The following PGAM1 variants were observed in gnomAD, a reference collection of about 807,000 sequenced individuals.
PGAM1 encodes phosphoglycerate mutase 1, also known as BPG-dependent PGAM 1.
A neutral mutation model predicts 23.5 loss-of-function variants in PGAM1; 21 were observed. The observed-to-expected ratio is 0.89, with a 90% confidence interval of 0.63 to 1.29. PGAM1 has a LOEUF of 1.29. Among genes scored for constraint, PGAM1 ranks in the 50% most tolerant of loss-of-function variants. PGAM1 has a pLI of 0.00. For synonymous variants in PGAM1, 109 were observed against 128.6 expected (o/e 0.85, Z 1.03); for missense variants, 232 against 336.3 (o/e 0.69, Z 2.42).
At chr10:97,430,900 CT>C in intron 2 of PGAM1, 54 bp from the exon 3 acceptor site, 1 of 1,604,052 alleles carries the variant, frequency 6.2e-7, no homozygotes, top group South Asian at 1.1e-5. Context: ...ATCATGAAGT[CT>C]TTTAACAGAT....
chr10:97,427,553 C>G (rs761930226), intron 1 of PGAM1: 54 of 1,146,590 alleles, frequency 4.7e-5, no homozygotes, highest in Non-Finnish European at 5.9e-5. Context: ...CGCCCTAGTC[C>G]TGGGTGAAGT....
intron 3 of PGAM1, among the ~76,000 whole-genome samples, 198 bp downstream of exon 3, chr10:97,431,333 C>T (rs950537620): frequency 6.6e-6 from 1 of 152,154 alleles, no homozygotes; most frequent in Non-Finnish European, 1.5e-5. Context: ...GACAGCTGGA[C>T]CCCCTGGGAG....
intron 1 of PGAM1, among the ~76,000 whole-genome samples, chr10:97,429,583 G>T (rs1845446749): frequency 6.6e-6 from 1 of 152,130 alleles, no homozygotes; most frequent in South Asian, 2.1e-4. Flanking sequence ...GAGGGTACTT[G>T]GTATTAGGCT....
At chr10:97,430,794 T>C in intron 2 of PGAM1, 141 bp downstream of exon 2, 6 of 1,451,774 alleles carry the variant, frequency 4.1e-6, no homozygotes, top group Non-Finnish European at 5.7e-6. Flanking sequence ...CTTCACTTAC[T>C]AGAAGATATG....
chr10:97,426,890 C>T (rs898748673), intron 1 of PGAM1, among the ~76,000 whole-genome samples: 11 of 152,156 alleles, frequency 7.2e-5, no homozygotes, highest in Non-Finnish European at 1.3e-4. Flanking sequence ...CAAAATTAGC[C>T]GGCCGTGGTG....
At position 97,430,989 on chromosome 10, in the gene PGAM1, T is replaced by G; in HGVS notation, c.449T>G (p.Leu150Arg). 3.1e-6 allele frequency: 5 copies of G among 1,613,964 alleles called. No individual in the cohort carries two copies. The highest frequency in any genetic ancestry group is 4.2e-6 in the Non-Finnish European group (5 of 1,179,866). Residue 150 changes from leucine to arginine, a missense_variant, in exon 3 of 4, where the codon CTA (leucine) becomes CGA (arginine). By Grantham distance (102) the Leu-to-Arg change is moderately radical (BLOSUM62 -2). Transcript: ENST00000334828. The part of the protein sequence containing the change: ...RRYADLTEDQ[L>R]PSCESLKDTI... ...TATGCAGACCTCACAGAAGATCAGCTACCCTCCTGTGAGAGTCTGAAGGAT... is the reference window on the plus strand; with the variant it reads ...TATGCAGACCTCACAGAAGATCAGCGACCCTCCTGTGAGAGTCTGAAGGAT...
intron 3 of PGAM1, 99 bp downstream of exon 3, chr10:97,431,234 T>G: frequency 7.3e-7 from 1 of 1,360,810 alleles, no homozygotes; most frequent in East Asian, 2.3e-5. Flanking sequence ...GGGCTGGACA[T>G]GTTAACAGCT....
At position 97,426,307 on chromosome 10, in the gene PGAM1, C is replaced by A. The variant is rs761433468; in HGVS notation, c.-1C>A. ...CGGTGCCGCATCCCCAGCCCGCCGC[C>A]ATGGCCGCCTACAAACTGGTGCTGA... On this transcript the variant is annotated 5_prime_UTR_variant, in exon 1 of 4. Transcript: ENST00000334828. The A allele has an allele frequency of 1.9e-6, 3 of 1,610,280 alleles. No homozygotes were observed. In the African/African-American group the frequency reaches 4.0e-5, roughly 22 times the overall value.
rs747188491 is a variant in PGAM1, at chr10:97,430,705, TA to T, written c.414+53del. On this transcript the variant is annotated intron_variant, in intron 2 of 3. Transcript: ENST00000334828. ...TCCGCCCAGGATCAGGGGCTTTTAG[TA>T]GTGTCTGCCTAATCTCACTGAACTT... is the stretch of plus-strand genomic sequence containing the variant. The T allele has an allele frequency of 1.3e-4, 214 of 1,600,306 alleles. No individual in the cohort carries two copies. In the Middle Eastern group the frequency reaches 2.3e-3, roughly 17 times the overall value.
Position 97,430,524 on chromosome 10 carries a change from A to T in PGAM1, c.285A>T (p.Leu95=), listed in dbSNP as rs768172683. ...WRLNERHYGG[L]TGLNKAETAA... is the part of the protein sequence containing the mutation. ...TCAATGAGCGGCACTATGGGGGTCTAACCGGTCTCAATAAAGCAGAAACTG... is the reference window on the plus strand; with the variant it reads ...TCAATGAGCGGCACTATGGGGGTCTTACCGGTCTCAATAAAGCAGAAACTG... The change falls in exon 2 of 4, where the codon CTA becomes CTT. Residue 95 remains leucine (L), a synonymous_variant. Transcript: ENST00000334828. 8.7e-6 allele frequency: 14 copies of T among 1,600,014 alleles called. No homozygotes were observed. In the East Asian group the frequency reaches 2.7e-4, roughly 31 times the overall value.
At position 97,433,363 on chromosome 10, in the gene PGAM1, A is replaced by G. The variant is rs1845492923; in HGVS notation, c.*839A>G. 6.6e-6 allele frequency: 1 copy of G among 152,306 alleles called. No individual in the cohort carries two copies. Among genetic ancestry groups the G allele is most frequent in the Non-Finnish European group, 1.5e-5 (1 of 67,986 alleles). The allele number at this position is 152,306 out of a possible 1,614,324, so 9.4% of individuals were successfully genotyped here. A position where few individuals can be genotyped will look rare whatever the true frequency, so the allele number is the denominator to read the frequency against. On this transcript the variant is annotated 3_prime_UTR_variant, in exon 4 of 4. Transcript: ENST00000334828. Reference sequence around the variant, plus strand: ...TGTTCTAGTTGCTTGACCCTGCCACATGGGTCCAGTGTTCATCTGAGCATA... The same window carrying G: ...TGTTCTAGTTGCTTGACCCTGCCACGTGGGTCCAGTGTTCATCTGAGCATA...
chr10:97,430,261 T>A, intron 1 of PGAM1, 118 bp from the exon 2 acceptor site: 1 of 1,254,666 alleles, frequency 8.0e-7, no homozygotes, highest in Non-Finnish European at 1.2e-6. Context: ...TGGCCAAATA[T>A]TTTCTTTTTT....
At position 97,426,297 on chromosome 10, in the gene PGAM1, A is replaced by C; in HGVS notation, c.-11A>C. ...TAATCCCAGTCGGTGCCGCATCCCC[A>C]GCCCGCCGCCATGGCCGCCTACAAA... On this transcript the variant is annotated 5_prime_UTR_variant, in exon 1 of 4. Transcript: ENST00000334828. The C allele has an allele frequency of 1.2e-6, 2 of 1,609,920 alleles. No individual in the cohort carries two copies. Among genetic ancestry groups the C allele is most frequent in the Non-Finnish European group, 1.7e-6 (2 of 1,179,202 alleles).
At chr10:97,428,621 A>G (rs1168543594) in intron 1 of PGAM1, among the ~76,000 whole-genome samples, 1 of 152,236 alleles carries the variant, frequency 6.6e-6, no homozygotes, top group Admixed American at 6.5e-5. Context: ...GCAGTGAAAC[A>G]GCCTGAAGCT....
Position 97,426,217 on chromosome 10 carries a change from G to C in PGAM1, c.-91G>C, listed in dbSNP as rs1845406023. On this transcript the variant is annotated 5_prime_UTR_variant, in exon 1 of 4. Transcript: ENST00000334828. Reference sequence around the variant, plus strand: ...AGAACTTGCGCGGGAGCCGGACTGAGCGGTGCGAGCGCGCAGGCGCGGCCG... The same window carrying C: ...AGAACTTGCGCGGGAGCCGGACTGACCGGTGCGAGCGCGCAGGCGCGGCCG... The C allele has an allele frequency of 1.9e-6, 3 of 1,585,832 alleles. No homozygotes were observed. Among genetic ancestry groups the C allele is most frequent in the African/African-American group, 1.3e-5 (1 of 74,218 alleles).
chr10:97,428,049 T>G (rs919704950), intron 1 of PGAM1: 12 of 663,962 alleles, frequency 1.8e-5, no homozygotes, highest in Admixed American at 1.3e-4. Flanking sequence ...GAGGCCATTT[T>G]CTTTAGCTCT....
At chr10:97,428,397 G>A (rs1036287887) in intron 1 of PGAM1, among the ~76,000 whole-genome samples, 1 of 152,186 alleles carries the variant, frequency 6.6e-6, no homozygotes, top group Non-Finnish European at 1.5e-5. Flanking sequence ...GAGAGGGATG[G>A]CCTGGGGGAG....
Position 97,429,977 on chromosome 10 carries a change from C to G in PGAM1, c.140-402C>G, listed in dbSNP as rs754459516. On this transcript the variant is annotated intron_variant, in intron 1 of 3. Transcript: ENST00000334828. ...AGAAGAATTGCTTGAACCCGGGAGG[C>G]GGAGGTTGCAGTGAGCCGAGACCAC... 8.3e-5 allele frequency among the ~76,000 whole-genome samples: 12 copies of G among 144,996 alleles called. No homozygotes were observed. The East Asian group carries it at 2.5e-3, about 30-fold the overall frequency.
chr10:97,432,405 A>C lies in PGAM1; in HGVS notation c.646A>C (p.Ile216Leu), dbSNP rs567929292. ...GCTGAACCTGCCGACTGGTATTCCC[A>C]TTGTCTATGAATTGGACAAGAACTT... is the stretch of plus-strand genomic sequence containing the variant. ...MELNLPTGIP[I>L]VYELDKNLKP... Residue 216 changes from isoleucine to leucine, a missense_variant, in exon 4 of 4, where the codon ATT becomes CTT. By Grantham distance (5) the Ile-to-Leu change is conservative. Transcript: ENST00000334828. The C allele has an allele frequency of 3.5e-5, 57 of 1,611,934 alleles. 1 individual carries two copies. In the South Asian group the frequency reaches 5.9e-4, roughly 17 times the overall value.
Sources: allele counts gnomAD v4.1 joint callset (sites outside exome capture counted in the v4.1 genomes callset), GRCh38; gene constraint gnomAD v4.1.1; transcripts MANE v1.5; gene names NCBI Gene and HGNC (gene_info 2026-07-23, HGNC 2026-07-21).